The following HYI variants were observed in gnomAD, a reference collection of about 807,000 sequenced individuals.
HYI encodes the protein hydroxypyruvate isomerase (putative).
A neutral mutation model predicts 39.7 loss-of-function variants in HYI; 47 were observed. The ratio of observed to expected loss-of-function variants is 1.18; its 90% confidence interval spans 0.94 to 1.51. The LOEUF is 1.51. HYI is among the 40% of genes most tolerant of loss of function. HYI has a pLI of 0.00. For synonymous variants in HYI, 186 were observed against 158.8 expected, an observed-to-expected ratio of 1.17 and a Z score of -1.29; for missense variants, 465 against 370.3, an observed-to-expected ratio of 1.26 and a Z score of -2.10.
At chr1:43,452,794 G>C (rs1656582609) in intron 2 of HYI, 1 of 1,174,826 alleles carries the variant, frequency 8.5e-7, no homozygotes, top group African/African-American at 1.5e-5. Context: ...TTTGACATTT[G>C]AATCAGCCCC....
At chr1:43,453,134 TCTC>T (rs1288853074) in intron 2 of HYI, 2 of 698,280 alleles carry the variant, frequency 2.9e-6, no homozygotes, top group Non-Finnish European at 5.1e-6. Flanking sequence ...ATATATTTAC[TCTC>T]CTATCTGCCT....
In HYI at chr1:43,453,647, C is replaced by T. The variant is rs1364342648; in HGVS notation, c.147G>A (p.Ala49=). The change falls in exon 1 of 8, where the codon GCG becomes GCA. Residue 49 remains alanine, a synonymous_variant. Coordinates refer to ENST00000372430, the MANE Select transcript of HYI (RefSeq NM_001190880.3). ...GCAGCCCCGCTTCTCGCGCGGCGCG[C>T]GCCAGCGCCTCAGGCGTCTCCGCGT... ...WPYAETPEAL[A]RAAREAGLRL... The T allele has an allele frequency of 2.0e-6, 3 of 1,490,670 alleles. No homozygotes were observed. Among genetic ancestry groups the T allele is most frequent in the African/African-American group, 1.5e-5 (1 of 68,228 alleles). 92.3% of individuals were successfully genotyped at this position (1,490,670 alleles called of 1,614,324 possible).
downstream of HYI, chr1:43,450,947 C>T (rs759258052): frequency 5.3e-6 from 4 of 759,362 alleles, no homozygotes; most frequent in Non-Finnish European, 9.6e-6. The surrounding 1 kb of genome is among the most constrained non-coding windows in gnomAD (Gnocchi z 4.3). Flanking sequence ...GGTTCCAATC[C>T]CAGCTCTGCC....
rs769139158 is a variant in HYI at position 43,453,510 on chromosome 1, C to T, written c.200-13G>A. The T allele has an allele frequency of 1.6e-5, 24 of 1,539,340 alleles. No homozygotes were observed. The Admixed American group carries it at 2.6e-4, about 16-fold the overall frequency. On this transcript the variant is annotated splice_polypyrimidine_tract_variant and intron_variant, in intron 1 of 7. Coordinates refer to ENST00000372430, the MANE Select transcript of HYI (RefSeq NM_001190880.3). Reference sequence around the variant, plus strand: ...TTCTCTTGGTCTCCTGCAGAGAGAACGGGCCTCAGCCCCCGGCTCGGACAC... The same window carrying T: ...TTCTCTTGGTCTCCTGCAGAGAGAATGGGCCTCAGCCCCCGGCTCGGACAC...
At chr1:43,452,385 C>A in intron 2 of HYI, 66 bp from the exon 3 acceptor site, 1 of 1,298,722 alleles carries the variant, frequency 7.7e-7, no homozygotes, top group South Asian at 1.2e-5. Flanking sequence ...CCAGGATTCC[C>A]TGACTGTGCC....
chr1:43,450,819 G>T, downstream of HYI: 1 of 707,948 alleles, frequency 1.4e-6, no homozygotes, highest in African/African-American at 1.7e-5. This position sits in a 1 kb window ranked among gnomAD's most constrained non-coding sequence, Gnocchi z 4.3. Context: ...GAGCTCCTCT[G>T]CCTGAATCCT....
rs767848197 is a variant in HYI, at chr1:43,453,033, G to A, written c.311+353C>T. Reference sequence around the variant, plus strand: ...GAAGACAGTCCAAGCATCACTACCTGTAAGCAGCTTTCTCTGATCCAGACA... The same window carrying A: ...GAAGACAGTCCAAGCATCACTACCTATAAGCAGCTTTCTCTGATCCAGACA... On this transcript the variant is annotated intron_variant, in intron 2 of 7. Coordinates refer to ENST00000372430, the MANE Select transcript of HYI (RefSeq NM_001190880.3). 5.9e-6 allele frequency: 8 copies of A among 1,363,752 alleles called. No homozygotes were observed. The East Asian group carries it at 1.9e-4, about 32-fold the overall frequency. 84.5% of individuals were successfully genotyped at this position (1,363,752 alleles called of 1,614,324 possible).
In HYI at chr1:43,451,664, C is replaced by T. The variant is rs2297686; in HGVS notation, c.609G>A (p.Glu203=). 4,539 of 1,614,166 alleles carry T rather than the reference C, an allele frequency of 2.8e-3. 86 individuals carry two copies. In the East Asian group the frequency reaches 0.045, roughly 16 times the overall value. Reference sequence around the variant, plus strand: ...TCCTCTCACCAACAATGGGCAGGAACTCCCGGATGTTTCCTGTCAGGTTCC... The same window carrying T: ...TCCTCTCACCAACAATGGGCAGGAATTCCCGGATGTTTCCTGTCAGGTTCC... ...MDGNLTGNIR[E]FLPIVGHVQV... Residue 203 remains glutamate, a synonymous_variant, in exon 6 of 8, where the codon GAG becomes GAA. Coordinates refer to ENST00000372430, the MANE Select transcript of HYI (RefSeq NM_001190880.3).
Position 43,453,712 on chromosome 1 carries a change from C to T in HYI, c.82G>A (p.Gly28Ser). 7.1e-7 allele frequency: 1 copy of T among 1,407,210 alleles called. No individual in the cohort carries two copies. Among genetic ancestry groups the T allele is most frequent in the Non-Finnish European group, 9.2e-7 (1 of 1,091,020 alleles). The allele number at this position is 1,407,210 out of a possible 1,614,324, so 87.2% of individuals were successfully genotyped here. ...TCGACGGCCTCGAAGCCCGAGCTGCCCGCGGCCCGCACCCGCGCGGGGAGG... is the reference window on the plus strand; with the variant it reads ...TCGACGGCCTCGAAGCCCGAGCTGCTCGCGGCCCGCACCCGCGCGGGGAGG... ...SGLPARVRAA[G>S]SSGFEAVEVA... Residue 28 changes from glycine (G) to serine (S), a missense_variant, in exon 1 of 8, where the codon GGC becomes AGC. By Grantham distance (56) the Gly-to-Ser change is moderately conservative. Coordinates refer to ENST00000372430, the MANE Select transcript of HYI (RefSeq NM_001190880.3).
intron 6 of HYI, 42 bp downstream of exon 6, chr1:43,451,606 T>G (rs919346908): frequency 1.2e-6 from 2 of 1,613,622 alleles, no homozygotes; most frequent in Non-Finnish European, 1.7e-6. Flanking sequence ...AGGACAGATG[T>G]GGGGATTGAA....
chr1:43,453,603 G>C lies in HYI; in HGVS notation c.191C>G (p.Thr64Arg). The C allele has an allele frequency of 1.3e-6, 2 of 1,527,686 alleles. No homozygotes were observed. The highest frequency in any genetic ancestry group is 1.8e-6 in the Non-Finnish European group (2 of 1,138,390). The allele number at this position is 1,527,686 out of a possible 1,614,324, so 94.6% of individuals were successfully genotyped here. A position where few individuals can be genotyped will look rare whatever the true frequency, so the allele number is the denominator to read the frequency against. Residue 64 changes from threonine to arginine, a missense_variant, in exon 1 of 8, where the codon ACG becomes AGG. By Grantham distance (71) the Thr-to-Arg change is moderately conservative. Transcript: ENST00000372430. Reference sequence around the variant, plus strand: ...CCCGGCCCGCGACGCACCCGGGGGCGTGTTGATCAGTACAAGCCGCAGCCC... The same window carrying C: ...CCCGGCCCGCGACGCACCCGGGGGCCTGTTGATCAGTACAAGCCGCAGCCC... ...EAGLRLVLIN[T>R]PPGDQEKGEM...
chr1:43,450,638 C>A, downstream of HYI: 2 of 1,166,196 alleles, frequency 1.7e-6, no homozygotes, highest in Non-Finnish European at 2.4e-6. The surrounding 1 kb of genome is among the most constrained non-coding windows in gnomAD (Gnocchi z 4.3). Flanking sequence ...GGGTCTGCTG[C>A]CCCAGCCTGG....
At chr1:43,452,560 CT>C in intron 2 of HYI, 1 of 621,452 alleles carries the variant, frequency 1.6e-6, no homozygotes, top group Non-Finnish European at 2.9e-6. Context: ...TTTCCAAAAC[CT>C]TTCCTTCCCT....
Position 43,453,820 on chromosome 1 carries a change from T to G in HYI, c.-27A>C. The G allele has an allele frequency of 8.1e-7, 1 of 1,231,006 alleles. No homozygotes were observed. Among genetic ancestry groups the G allele is most frequent in the Non-Finnish European group, 1.0e-6 (1 of 989,914 alleles). 76.3% of individuals were successfully genotyped at this position (1,231,006 alleles called of 1,614,324 possible). ...CCTGGGGAGGCCGGGCCGGGCGGAG[T>G]CCGCGGGATCCAAAGGCGGCGGGCG... On this transcript the variant is annotated 5_prime_UTR_variant, in exon 1 of 8. Transcript: ENST00000372430.
At chr1:43,450,712 G>A, downstream of HYI, 1 of 719,280 alleles carries the variant, frequency 1.4e-6, no homozygotes, top group South Asian at 1.7e-5. This position sits in a 1 kb window ranked among gnomAD's most constrained non-coding sequence, Gnocchi z 4.3. Context: ...CAGAGAGTCA[G>A]GTCAACCCCG....
At chr1:43,452,732 G>A (rs535968780) in intron 2 of HYI, 1 of 665,810 alleles carries the variant, frequency 1.5e-6, no homozygotes, top group South Asian at 1.8e-5. Flanking sequence ...CCATTGACCA[G>A]TAGTGATCCC....
chr1:43,452,087 GC>G, intron 3 of HYI, 74 bp from the exon 4 acceptor site: 1 of 1,525,794 alleles, frequency 6.6e-7, no homozygotes, highest in Non-Finnish European at 9.0e-7. Context: ...ACTGGTCAAG[GC>G]CCTCACCTGT....
At chr1:43,453,132 A>G (rs897150871) in intron 2 of HYI, 1 of 700,748 alleles carries the variant, frequency 1.4e-6, no homozygotes, top group African/African-American at 1.8e-5. Flanking sequence ...GTATATATTT[A>G]CTCTCCTATC....
intron 2 of HYI, 181 bp downstream of exon 2, chr1:43,453,205 A>T: frequency 1.6e-6 from 1 of 641,596 alleles, no homozygotes; most frequent in Non-Finnish European, 2.8e-6. Context: ...AAAGAGTGGC[A>T]AACAGAGTGG....
Sources: allele counts gnomAD v4.1 joint callset, GRCh38; gene constraint gnomAD v4.1.1; non-coding constraint Gnocchi (gnomAD v3.1); transcripts MANE v1.5; gene names NCBI Gene and HGNC (gene_info 2026-07-23, HGNC 2026-07-21).